NCKAP5: variants seen among roughly 807,000 people sequenced by gnomAD.
NCKAP5 encodes nck-associated protein 5.
Under a neutral mutation model 167.0 loss-of-function variants are expected in NCKAP5, and 92 were observed. The observed-to-expected ratio is 0.55, with a 90% CI of 0.47 to 0.66. The LOEUF is 0.66. Among genes scored for constraint, NCKAP5 ranks in the 30% least tolerant of loss-of-function variants. The pLI, the probability that NCKAP5 is intolerant of heterozygous loss-of-function variation, is 0.00. For synonymous variants in NCKAP5, 891 were observed against 877.4 expected, an observed-to-expected ratio of 1.02 and a Z score of -0.27; for missense variants, 2,378 against 2,315.0, an observed-to-expected ratio of 1.03 and a Z score of -0.56.
At position 133,326,935 on chromosome 2, in the gene NCKAP5, G is replaced by A. The variant is rs757119154; in HGVS notation, c.70-23825C>T. 2.3e-4 allele frequency among the ~76,000 whole-genome samples: 35 copies of A among 152,208 alleles called. 1 individual carries two copies. In the Middle Eastern group the frequency reaches 0.02, roughly 89 times the overall value. On this transcript the variant is annotated intron_variant, in intron 3 of 19. Transcript: ENST00000409261. ...TCAAGAATCGGCTTCTAACATACTC[G>A]CAACTGCTGCTGCTGCTGCTGCCGC...
intron 7 of NCKAP5, among the ~76,000 whole-genome samples, chr2:132,976,218 G>T (rs2076973107): frequency 1.3e-5 from 2 of 152,082 alleles, no homozygotes; most frequent in African/African-American, 4.8e-5. Flanking sequence ...CTTAGTAAGG[G>T]TTTGGGTGGA....
chr2:132,810,294 C>A (rs1393123895), intron 11 of NCKAP5, among the ~76,000 whole-genome samples: 1 of 152,114 alleles, frequency 6.6e-6, no homozygotes, highest in African/African-American at 2.4e-5. Context: ...GTTCTTTGTG[C>A]TTCTTGTATT....
chr2:133,275,046 C>T (rs2089670264), intron 4 of NCKAP5, among the ~76,000 whole-genome samples: 2 of 150,626 alleles, frequency 1.3e-5, no homozygotes, highest in Non-Finnish European at 3.0e-5. Context: ...AATACATATC[C>T]TAAATTTGTA....
intron 16 of NCKAP5, among the ~76,000 whole-genome samples, chr2:132,749,494 A>G (rs115037792): frequency 6.6e-6 from 1 of 152,270 alleles, no homozygotes; most frequent in African/African-American, 2.4e-5. Context: ...GCTGCACCCA[A>G]CCGAATCTCA....
intron 5 of NCKAP5, among the ~76,000 whole-genome samples, chr2:133,165,329 C>T (rs2083955011): frequency 6.6e-6 from 1 of 152,214 alleles, no homozygotes; most frequent in South Asian, 2.1e-4. Flanking sequence ...AAGATGCTCA[C>T]AGCCTGCAAC....
At chr2:132,925,252 C>G (rs1238782347) in intron 8 of NCKAP5, among the ~76,000 whole-genome samples, 2 of 152,012 alleles carry the variant, frequency 1.3e-5, no homozygotes, top group Non-Finnish European at 2.9e-5. Flanking sequence ...AAAGTTTGCA[C>G]TCCTATAAGA....
intron 8 of NCKAP5, among the ~76,000 whole-genome samples, chr2:132,929,000 A>AAAACC (rs1696149154): frequency 6.8e-6 from 1 of 146,598 alleles, no homozygotes; most frequent in African/African-American, 2.6e-5. Context: ...AAAACAAAAC[A>AAAACC]AAATTAGCTG....
chr2:132,875,347 C>T lies in NCKAP5; in HGVS notation c.648+3501G>A, dbSNP rs193261430. ...CTGAAGATACCCTTTCCAATTCTGC[C>T]CCCTCCTCTGCTCACCTACCCGCTG... On this transcript the variant is annotated intron_variant, in intron 9 of 19. Coordinates refer to ENST00000409261, the MANE Select transcript of NCKAP5 (RefSeq NM_207363.3). Among the ~76,000 whole-genome samples, 5 of 152,200 alleles carry T rather than the reference C, an allele frequency of 3.3e-5. No individual in the cohort carries two copies. In the East Asian group the frequency reaches 7.7e-4, roughly 24 times the overall value.
At chr2:132,735,298 G>T (rs2105519415) in intron 16 of NCKAP5, among the ~76,000 whole-genome samples, 1 of 152,204 alleles carries the variant, frequency 6.6e-6, no homozygotes, top group East Asian at 1.9e-4. Flanking sequence ...TTTGAATCGG[G>T]GGTTATATCC....
At chr2:133,167,249 T>TG (rs1207894909) in intron 5 of NCKAP5, among the ~76,000 whole-genome samples, 6 of 152,184 alleles carry the variant, frequency 3.9e-5, no homozygotes, top group Admixed American at 3.9e-4. Flanking sequence ...CTAACCCACT[T>TG]GGCTTACTCA....
intron 16 of NCKAP5, among the ~76,000 whole-genome samples, chr2:132,767,244 T>A (rs1458538598): frequency 6.7e-6 from 1 of 149,234 alleles, no homozygotes; most frequent in African/African-American, 2.4e-5. Flanking sequence ...TTCTTCTTTT[T>A]TTCTTTTTTT....
At chr2:132,895,629 G>T (rs970442776) in intron 8 of NCKAP5, among the ~76,000 whole-genome samples, 1 of 151,962 alleles carries the variant, frequency 6.6e-6, no homozygotes, top group Non-Finnish European at 1.5e-5. Flanking sequence ...ACAGTCAACA[G>T]GTGCTGATGA....
intron 3 of NCKAP5, among the ~76,000 whole-genome samples, chr2:133,406,883 C>A (rs2151041937): frequency 6.6e-6 from 1 of 152,306 alleles, no homozygotes; most frequent in African/African-American, 2.4e-5. Flanking sequence ...TCCAGGGGAC[C>A]TGCATTATTC....
chr2:133,225,402 G>A (rs531034013), intron 4 of NCKAP5, among the ~76,000 whole-genome samples: 31 of 152,140 alleles, frequency 2.0e-4, no homozygotes, highest in African/African-American at 7.2e-4. Context: ...TTTTGACAAC[G>A]GCCCCAACAT....
chr2:133,627,015 AATT>A, the NCKAP5 span, among the ~76,000 whole-genome samples: 1 of 152,054 alleles, frequency 6.6e-6, no homozygotes, highest in Non-Finnish European at 1.5e-5. Flanking sequence ...ATAGATAAAT[AATT>A]ATTATTTCCT....
intron 4 of NCKAP5, among the ~76,000 whole-genome samples, chr2:133,219,661 T>C (rs527999990): frequency 1.9e-4 from 29 of 152,126 alleles, no homozygotes; most frequent in Non-Finnish European, 4.1e-4. Flanking sequence ...ATATTCCAAA[T>C]ATTTCAAGTC....
chr2:133,669,649 T>A, the NCKAP5 span, among the ~76,000 whole-genome samples: 1 of 152,222 alleles, frequency 6.6e-6, no homozygotes, highest in Non-Finnish European at 1.5e-5. Flanking sequence ...TTACATAGAA[T>A]TTCAACCTGA....
chr2:132,730,493 T>C (rs1484314749), intron 17 of NCKAP5, among the ~76,000 whole-genome samples: 2 of 152,242 alleles, frequency 1.3e-5, no homozygotes, highest in South Asian at 2.1e-4. Context: ...AGACTCCATC[T>C]CAAAACAAAA....
intron 11 of NCKAP5, among the ~76,000 whole-genome samples, chr2:132,855,352 T>C (rs1263699270): frequency 1.3e-5 from 2 of 152,210 alleles, no homozygotes; most frequent in East Asian, 3.9e-4. Flanking sequence ...CACCAGTGGA[T>C]ACTCTGCCAT....
Sources: gnomAD v4.1 joint callset for allele counts (sites outside exome capture counted in the v4.1 genomes callset) on GRCh38, gnomAD v4.1.1 for gene constraint, MANE v1.5 for transcripts, NCBI Gene and HGNC (gene_info 2026-07-23, HGNC 2026-07-21) for gene names.